Variants in PRR5 observed in about 807,000 individuals in gnomAD.
The protein encoded by PRR5 is proline rich 5.
Under a neutral mutation model 30.6 loss-of-function variants are expected in PRR5, and 25 were observed. The ratio of observed to expected loss-of-function variants is 0.82; its 90% CI spans 0.60 to 1.14. The LOEUF (loss-of-function observed/expected upper bound fraction) is 1.14, where lower values mean the gene tolerates loss of function less well. Ranked by LOEUF, PRR5 falls within the 50% of genes most tolerant of loss-of-function variation. PRR5 has a pLI of 0.00. For missense variants in PRR5, 600 were observed against 547.1 expected, an observed-to-expected ratio of 1.10 and a Z score of -0.96; for synonymous variants, 286 against 247.1, an observed-to-expected ratio of 1.16 and a Z score of -1.48.
At chr22:44,714,823 T>C in intron 2 of PRR5, 152 bp downstream of exon 2, 1 of 1,110,324 alleles carries the variant, frequency 9.0e-7, no homozygotes, top group Non-Finnish European at 1.3e-6. Context: ...GAGGCCCAAG[T>C]TAGCAGTGGC....
intron 4 of PRR5, chr22:44,730,330 G>A (rs1286035806): frequency 2.0e-6 from 2 of 985,352 alleles, no homozygotes; most frequent in South Asian, 4.7e-5. Flanking sequence ...TCTCTCGCCA[G>A]TTGTTCGTCT....
At chr22:44,669,222 C>T (rs1923281602) in intron 1 of PRR5, among the ~76,000 whole-genome samples, 1 of 152,090 alleles carries the variant, frequency 6.6e-6, no homozygotes, top group South Asian at 2.1e-4. Flanking sequence ...GCTCTCTCCC[C>T]ATGGCAGCTC....
chr22:44,728,634 C>T lies in PRR5; in HGVS notation c.322+2000C>T, dbSNP rs550989252. On this transcript the variant is annotated intron_variant, in intron 4 of 7. Transcript: ENST00000336985. ...AGGGGAACTTGTGGTCCCTTTTGGCCCCATGCAGTGGGGACATAGCCACCT... is the reference window on the plus strand; with the variant it reads ...AGGGGAACTTGTGGTCCCTTTTGGCTCCATGCAGTGGGGACATAGCCACCT... Among the ~76,000 whole-genome samples the T allele has an allele frequency of 1.1e-4, 17 of 152,330 alleles. No individual in the cohort carries two copies. In the South Asian group the frequency reaches 3.5e-3, roughly 32 times the overall value.
At chr22:44,721,966 C>T (rs568086108) in intron 2 of PRR5, among the ~76,000 whole-genome samples, 1 of 152,278 alleles carries the variant, frequency 6.6e-6, no homozygotes, top group East Asian at 1.9e-4. Context: ...ACAGATGCTG[C>T]GTGGACGTGG....
intron 1 of PRR5, among the ~76,000 whole-genome samples, chr22:44,695,820 C>T (rs5765908): frequency 1.3e-5 from 2 of 151,388 alleles, no homozygotes; most frequent in East Asian, 1.9e-4. Context: ...AGGCTGGTCT[C>T]GAACCCCTGA....
chr22:44,733,084 C>T (rs1922524812), intron 6 of PRR5, among the ~76,000 whole-genome samples: 1 of 152,278 alleles, frequency 6.6e-6, no homozygotes, highest in African/African-American at 2.4e-5. Flanking sequence ...CCAGTCATTT[C>T]TGCCCAGAGG....
chr22:44,686,877 G>C (rs1035162896), intron 1 of PRR5, among the ~76,000 whole-genome samples: 10 of 152,292 alleles, frequency 6.6e-5, no homozygotes, highest in African/African-American at 2.4e-4. Context: ...CTCCCAAAAT[G>C]CTGGGATTAC....
At chr22:44,720,076 C>G (rs538678820) in intron 2 of PRR5, among the ~76,000 whole-genome samples, 1 of 152,288 alleles carries the variant, frequency 6.6e-6, no homozygotes, top group African/African-American at 2.4e-5. Flanking sequence ...CCCTCTTCTC[C>G]CTCCCTGGCA....
intron 1 of PRR5, among the ~76,000 whole-genome samples, chr22:44,706,758 C>T (rs998038091): frequency 2.0e-5 from 3 of 152,016 alleles, no homozygotes; most frequent in Non-Finnish European, 4.4e-5. Context: ...GAACTTCTGA[C>T]CTCAAGCAAT....
intron 1 of PRR5, among the ~76,000 whole-genome samples, chr22:44,683,302 G>A (rs1270120803): frequency 6.6e-6 from 1 of 152,202 alleles, no homozygotes; most frequent in Non-Finnish European, 1.5e-5. Flanking sequence ...ATCCAAGTGG[G>A]CCAAGCCAGT....
At chr22:44,715,017 G>A (rs1303781103) in intron 2 of PRR5, among the ~76,000 whole-genome samples, 2 of 152,214 alleles carry the variant, frequency 1.3e-5, no homozygotes, top group Non-Finnish European at 2.9e-5. Flanking sequence ...GCATCGTGAA[G>A]GATATTTATT....
intron 6 of PRR5, among the ~76,000 whole-genome samples, chr22:44,733,632 T>C (rs1270235830): frequency 3.9e-5 from 6 of 152,070 alleles, no homozygotes; most frequent in Non-Finnish European, 2.9e-5. Flanking sequence ...TCCCGGTCTT[T>C]AACAGAGGGA....
At chr22:44,730,790 G>A in intron 4 of PRR5, 3 of 603,186 alleles carry the variant, frequency 5.0e-6, no homozygotes, top group South Asian at 2.7e-5. Flanking sequence ...CTGACCACAG[G>A]CAGAGCTGGC....
At chr22:44,675,064 C>T (rs148763775), upstream of PRR5, among the ~76,000 whole-genome samples, 5,804 of 151,042 alleles carry the variant, frequency 0.038, 333 homozygotes, top group African/African-American at 0.12. Flanking sequence ...CTGGCTAACA[C>T]GGTGAAACCC....
At chr22:44,727,977 C>T (rs879777530) in intron 4 of PRR5, among the ~76,000 whole-genome samples, 6 of 152,260 alleles carry the variant, frequency 3.9e-5, no homozygotes, top group African/African-American at 7.2e-5. Flanking sequence ...TGGCCACCCA[C>T]GCCCCTCGCT....
chr22:44,730,747 G>C (rs2147159625), intron 4 of PRR5: 1 of 878,612 alleles, frequency 1.1e-6, no homozygotes, highest in Middle Eastern at 3.9e-4. Flanking sequence ...ACGTGGTGCT[G>C]CTATTGGAAG....
intron 6 of PRR5, among the ~76,000 whole-genome samples, chr22:44,733,415 G>A (rs568768597): frequency 9.2e-5 from 14 of 152,350 alleles, no homozygotes; most frequent in African/African-American, 2.2e-4. Context: ...CCTCTTTATC[G>A]TTCTGAATCC....
Position 44,702,622 on chromosome 22 carries a change from C to T in PRR5, c.134+14C>T, listed in dbSNP as rs1011544655. On this transcript the variant is annotated intron_variant, in intron 1 of 7. Coordinates refer to ENST00000336985, the MANE Select transcript of PRR5 (RefSeq NM_181333.4). ...CACCTGGAACAGGTAAGGCCGCGCCCTCCCGGCCACCCGGAGGCCCTGGAG... is the reference window on the plus strand; with the variant it reads ...CACCTGGAACAGGTAAGGCCGCGCCTTCCCGGCCACCCGGAGGCCCTGGAG... 2.3e-6 allele frequency: 3 copies of T among 1,285,430 alleles called. No homozygotes were observed. Among genetic ancestry groups the T allele is most frequent in the Non-Finnish European group, 2.0e-6 (2 of 1,012,580 alleles). 79.6% of individuals were successfully genotyped at this position (1,285,430 alleles called of 1,614,324 possible). A position where few individuals can be genotyped will look rare whatever the true frequency, so the allele number is the denominator to read the frequency against.
chr22:44,730,622 C>A, intron 4 of PRR5: 1 of 1,006,070 alleles, frequency 9.9e-7, no homozygotes, highest in African/African-American at 1.7e-5. Context: ...ACTCACCTGT[C>A]AAGATGTGTC....
Sources: gnomAD v4.1 joint callset for allele counts (sites outside exome capture counted in the v4.1 genomes callset) on GRCh38, gnomAD v4.1.1 for gene constraint, MANE v1.5 for transcripts, NCBI Gene and HGNC (gene_info 2026-07-23, HGNC 2026-07-21) for gene names.